CYP3A4: variants seen among roughly 807,000 people sequenced by gnomAD.
CYP3A4 encodes cytochrome P450 family 3 subfamily A member 4.
Under a neutral mutation model 54.9 loss-of-function variants are expected in CYP3A4, and 41 were observed. The observed-to-expected ratio is 0.75, with a 90% CI of 0.58 to 0.97. The LOEUF (loss-of-function observed/expected upper bound fraction) is 0.97, where lower values mean the gene tolerates loss of function less well. Ranked by LOEUF, CYP3A4 falls within the 50% of genes least tolerant of loss-of-function variation. The pLI, the probability that CYP3A4 is intolerant of heterozygous loss-of-function variation, is 0.00. For missense variants in CYP3A4, 510 were observed against 597.3 expected, an observed-to-expected ratio of 0.85 and a Z score of 1.52; for synonymous variants, 179 against 205.2, an observed-to-expected ratio of 0.87 and a Z score of 1.09.
chr7:99,763,992 C>T lies in CYP3A4; in HGVS notation c.889G>A (p.Ala297Thr). Residue 297 changes from alanine (A) to threonine (T), a missense_variant, in exon 10 of 13, where the codon GCC becomes ACC. Ala to Thr is a moderately conservative substitution (Grantham distance 58, BLOSUM62 0). This residue lies in a region of CYP3A4 where 238 missense variants were observed against 322.5 expected (regional missense o/e 0.74). Coordinates refer to ENST00000651514, the MANE Select transcript of CYP3A4 (RefSeq NM_017460.6). ...HKALSDLELV[A>T]QSIIFIFAGY... ...GCAAAAATAAAGATAATTGATTGGG[C>T]CACGAGCTCCAGATCGGACAGAGCT... is the stretch of plus-strand genomic sequence containing the variant. 13 of 1,613,894 alleles carry T rather than the reference C, an allele frequency of 8.1e-6. No individual in the cohort carries two copies. The highest frequency in any genetic ancestry group is 1.1e-5 in the South Asian group (1 of 91,064).
In CYP3A4 at chr7:99,768,461, G is replaced by A. The variant is rs1335822753; in HGVS notation, c.563C>T (p.Ser188Leu). The A allele has an allele frequency of 1.2e-6, 2 of 1,613,966 alleles. No individual in the cohort carries two copies. Among genetic ancestry groups the A allele is most frequent in the Admixed American group, 1.7e-5 (1 of 60,010 alleles). The change falls in exon 7 of 13, where the codon TCA becomes TTA. Residue 188 changes from serine to leucine, a missense_variant. Coordinates refer to ENST00000651514, the MANE Select transcript of CYP3A4 (RefSeq NM_017460.6). The part of the protein sequence containing the change: ...AYSMDVITST[S>L]FGVNIDSLNN... ...GAGAGAGTCGATGTTCACTCCAAAT[G>A]ATGTGCTAGTGATCACATCCATGCT... is the stretch of plus-strand genomic sequence containing the variant.
intron 1 of CYP3A4, among the ~76,000 whole-genome samples, chr7:99,782,536 CCACA>C: frequency 6.6e-6 from 1 of 152,264 alleles, no homozygotes; most frequent in East Asian, 1.9e-4. Context: ...ACATGGCAGA[CCACA>C]CACAGAGTGA....
intron 3 of CYP3A4, among the ~76,000 whole-genome samples, chr7:99,777,298 TG>T (rs1815795494): frequency 6.6e-6 from 1 of 151,230 alleles, no homozygotes; most frequent in African/African-American, 2.4e-5. Context: ...GGACAGAGCA[TG>T]ATGCTGTGAG....
intron 9 of CYP3A4, among the ~76,000 whole-genome samples, chr7:99,765,316 C>G (rs1170690622): frequency 6.6e-6 from 1 of 152,134 alleles, no homozygotes; most frequent in Non-Finnish European, 1.5e-5. Flanking sequence ...CCATATGTGT[C>G]TAGTGATTTC....
intron 11 of CYP3A4, among the ~76,000 whole-genome samples, chr7:99,761,471 T>TTACCCCTCCTTC (rs1324407430): frequency 2.0e-5 from 3 of 152,060 alleles, no homozygotes; most frequent in Admixed American, 1.3e-4. Context: ...TTACCTTGTC[T>TTACCCCTCCTTC]TCTCCCTCCT....
chr7:99,780,456 AT>A (rs1563045929), intron 1 of CYP3A4, among the ~76,000 whole-genome samples: 1 of 152,098 alleles, frequency 6.6e-6, no homozygotes, highest in African/African-American at 2.4e-5. Context: ...AAATTTGGGG[AT>A]TCTCATCCTA....
chr7:99,775,109 A>C (rs1815729661), intron 3 of CYP3A4, among the ~76,000 whole-genome samples: 1 of 152,218 alleles, frequency 6.6e-6, no homozygotes, highest in Non-Finnish European at 1.5e-5. Context: ...AGAGAATAAA[A>C]TATCTAGGAA....
chr7:99,764,436 A>G (rs1483255453), intron 9 of CYP3A4, among the ~76,000 whole-genome samples: 1 of 152,238 alleles, frequency 6.6e-6, no homozygotes, highest in African/African-American at 2.4e-5. Flanking sequence ...ATATCTTGAC[A>G]AACTTTGAGA....
intron 9 of CYP3A4, 130 bp from the exon 10 acceptor site, chr7:99,764,145 A>C: frequency 7.4e-7 from 1 of 1,347,896 alleles, no homozygotes; most frequent in Non-Finnish European, 1.0e-6. Flanking sequence ...TCAGAGGTAC[A>C]CTGGGGGTGG....
Position 99,780,269 on chromosome 7 carries a change from A to G in CYP3A4, c.72-184T>C. ...CATCAGGTCCTTTCCTGCCTCCACC[A>G]TGAGACACCAAAAAGTTACAATGAT... is the stretch of plus-strand genomic sequence containing the variant. On this transcript the variant is annotated intron_variant, in intron 1 of 12. Coordinates refer to ENST00000651514, the MANE Select transcript of CYP3A4 (RefSeq NM_017460.6). 4 of 597,256 alleles carry G rather than the reference A, an allele frequency of 6.7e-6. No individual in the cohort carries two copies. In the South Asian group the frequency reaches 8.2e-5, roughly 12 times the overall value. 37.0% of individuals were successfully genotyped at this position (597,256 alleles called of 1,614,324 possible).
chr7:99,770,227 A>G lies in CYP3A4; in HGVS notation c.327T>C (p.Gly109=), dbSNP rs148793140. 1.2e-6 allele frequency: 2 copies of G among 1,611,790 alleles called. No homozygotes were observed. The highest frequency in any genetic ancestry group is 1.7e-6 in the Non-Finnish European group (2 of 1,178,192). The change falls in exon 5 of 13, where the codon GGT becomes GGC. Residue 109 remains glycine (G), a synonymous_variant. Transcript: ENST00000651514. ...YSVFTNRRPF[G]PVGFMKSAIS... is the part of the protein sequence containing the mutation. Reference sequence around the variant, plus strand: ...TGGCACTTTTCATAAATCCCACTGGACCAAAAGGCTAGAGTTCAAAGCAGA... The same window carrying G: ...TGGCACTTTTCATAAATCCCACTGGGCCAAAAGGCTAGAGTTCAAAGCAGA...
At chr7:99,774,488 C>A (rs1584547318) in intron 3 of CYP3A4, among the ~76,000 whole-genome samples, 2 of 152,258 alleles carry the variant, frequency 1.3e-5, no homozygotes, top group Admixed American at 6.5e-5. Flanking sequence ...AAAAGCTTAT[C>A]CACCAGGATC....
intron 5 of CYP3A4, 54 bp downstream of exon 5, chr7:99,770,068 C>T: frequency 6.4e-7 from 1 of 1,569,956 alleles, no homozygotes; most frequent in Non-Finnish European, 8.8e-7. Flanking sequence ...TTATACCTGT[C>T]CCCACCAGAT....
chr7:99,758,498 A>G (rs1352884565), intron 12 of CYP3A4, among the ~76,000 whole-genome samples: 3 of 152,220 alleles, frequency 2.0e-5, no homozygotes, highest in African/African-American at 7.2e-5. Flanking sequence ...TTCATCATCT[A>G]TCATTTAACA....
intron 12 of CYP3A4, 82 bp downstream of exon 12, chr7:99,760,737 A>C: frequency 6.6e-7 from 1 of 1,515,262 alleles, no homozygotes; most frequent in Non-Finnish European, 9.0e-7. Flanking sequence ...AGATTAAACA[A>C]GCATATTCTT....
chr7:99,778,556 C>T (rs1815832116), intron 2 of CYP3A4, among the ~76,000 whole-genome samples: 2 of 152,168 alleles, frequency 1.3e-5, no homozygotes, highest in Admixed American at 1.3e-4. Flanking sequence ...GTTACAGACA[C>T]CAGGGAACTC....
intron 3 of CYP3A4, among the ~76,000 whole-genome samples, chr7:99,774,886 A>G (rs1432929919): frequency 6.6e-6 from 1 of 152,224 alleles, no homozygotes; most frequent in Non-Finnish European, 1.5e-5. Flanking sequence ...TTAGGAAAAG[A>G]GGAAGTCAAA....
intron 8 of CYP3A4, 48 bp downstream of exon 8, chr7:99,767,083 A>C: frequency 6.3e-7 from 1 of 1,577,598 alleles, no homozygotes; most frequent in Non-Finnish European, 8.6e-7. Flanking sequence ...ATTATCTAAA[A>C]AATTATGAAA....
chr7:99,781,913 A>C (rs578223298), intron 1 of CYP3A4, among the ~76,000 whole-genome samples: 37 of 152,366 alleles, frequency 2.4e-4, no homozygotes, highest in African/African-American at 8.2e-4. Context: ...TATTCTGTAC[A>C]AATCCGGTGA....
Sources: allele counts gnomAD v4.1 joint callset (sites outside exome capture counted in the v4.1 genomes callset), GRCh38; gene constraint gnomAD v4.1.1; regional missense constraint gnomAD v4.1.1; transcripts MANE v1.5; gene names NCBI Gene and HGNC (gene_info 2026-07-23, HGNC 2026-07-21).